FANCA: variants seen among roughly 807,000 people sequenced by gnomAD.
FANCA encodes the protein FA complementation group A.
FANCA carries 236 observed loss-of-function variants against 194.3 expected under a neutral mutation model. The observed-to-expected ratio is 1.21, with a 90% CI of 1.09 to 1.35. The LOEUF is 1.35. Among genes scored for constraint, FANCA ranks in the 40% most tolerant of loss-of-function variants. The pLI is 0.00. For missense variants in FANCA, 2,628 were observed against 1,813.9 expected (o/e 1.45, Z -8.15); for synonymous variants, 1,014 against 715.8 (o/e 1.42, Z -6.65).
intron 1 of FANCA, 157 bp from the exon 2 acceptor site, chr16:89,816,143 C>G (rs1023331808): frequency 3.4e-5 from 23 of 684,108 alleles, no homozygotes; most frequent in Admixed American, 1.8e-4. Context: ...GGGAAACTAA[C>G]GGAGACGGCC....
At chr16:89,786,342 C>G (rs1447763380) in intron 14 of FANCA, among the ~76,000 whole-genome samples, 1 of 152,188 alleles carries the variant, frequency 6.6e-6, no homozygotes, top group Non-Finnish European at 1.5e-5. Flanking sequence ...CACCACCATG[C>G]CTGGCTAATT....
In FANCA at chr16:89,746,841, TG is replaced by T. The variant is rs758917273; in HGVS notation, c.3397del (p.His1133ThrfsTer7). On this transcript the variant is annotated frameshift_variant, in exon 34 of 43. Coordinates refer to ENST00000389301, the MANE Select transcript of FANCA (RefSeq NM_000135.4). LOFTEE classifies it high-confidence loss of function. ...GGALTQDITAHFFRGLLNACL... is the reference protein window; with the variant it reads ...GGALTQDITAXFFRGLLNACL... ...GAGGGAGCATCTCACCCTGAAGAAG[TG>T]GGCAGTGATGTCCTGTGTCAGGGCA... is the stretch of plus-strand genomic sequence containing the variant. 6.4e-7 allele frequency: 1 copy of T among 1,563,946 alleles called. No individual in the cohort carries two copies.
chr16:89,758,000 C>A (rs554054137), intron 30 of FANCA, among the ~76,000 whole-genome samples: 5 of 152,088 alleles, frequency 3.3e-5, no homozygotes, highest in Non-Finnish European at 7.4e-5. Context: ...GGATTACAGG[C>A]ACCCGCCACC....
intron 5 of FANCA, among the ~76,000 whole-genome samples, chr16:89,808,823 T>A (rs2040763705): frequency 6.6e-6 from 1 of 152,154 alleles, no homozygotes; most frequent in East Asian, 1.9e-4. Context: ...CAGGATCTGC[T>A]TTAGCCACTC....
intron 8 of FANCA, 48 bp from the exon 9 acceptor site, chr16:89,799,686 T>C (rs946869733): frequency 1.4e-6 from 2 of 1,453,226 alleles, no homozygotes. Flanking sequence ...TTCTGTAATT[T>C]GTGTGATACC....
chr16:89,764,762 A>T (rs945769599), intron 28 of FANCA, 128 bp downstream of exon 28: 6 of 1,133,450 alleles, frequency 5.3e-6, no homozygotes, highest in African/African-American at 4.6e-5. Flanking sequence ...CACACACCCT[A>T]GACTCGGGAC....
chr16:89,757,200 G>C (rs1003947938), intron 30 of FANCA, among the ~76,000 whole-genome samples: 1 of 152,008 alleles, frequency 6.6e-6, no homozygotes, highest in Non-Finnish European at 1.5e-5. Flanking sequence ...GAGCTCAGAT[G>C]ATCCGCCTGC....
At chr16:89,761,564 G>C (rs186950254) in intron 29 of FANCA, among the ~76,000 whole-genome samples, 1 of 151,684 alleles carries the variant, frequency 6.6e-6, no homozygotes, top group Non-Finnish European at 1.5e-5. Context: ...ATTAAATTGA[G>C]GATAAAATGA....
At chr16:89,807,457 A>AG (rs1475545660) in intron 6 of FANCA, among the ~76,000 whole-genome samples, 1 of 151,902 alleles carries the variant, frequency 6.6e-6, no homozygotes, top group Non-Finnish European at 1.5e-5. Context: ...TGTCTCAAAA[A>AG]GAAAAAAAAA....
At chr16:89,811,184 C>T (rs2040865235) in intron 3 of FANCA, 113 bp from the exon 4 acceptor site, 3 of 1,378,284 alleles carry the variant, frequency 2.2e-6, no homozygotes, top group Admixed American at 3.9e-5. Context: ...AAAAAATTGC[C>T]TTTTAAACGG....
chr16:89,815,383 CTG>C (rs1403637702), intron 2 of FANCA, among the ~76,000 whole-genome samples: 5 of 117,194 alleles, frequency 4.3e-5, no homozygotes, highest in Non-Finnish European at 5.0e-5. Context: ...CAGTCTCACT[CTG>C]TAATCCAGAC....
intron 20 of FANCA, 121 bp from the exon 21 acceptor site, chr16:89,775,936 G>A (rs1343807167): frequency 1.2e-5 from 7 of 569,660 alleles, no homozygotes; most frequent in Non-Finnish European, 2.1e-5. Flanking sequence ...TAAATACTGT[G>A]TACAGTATGA....
intron 11 of FANCA, among the ~76,000 whole-genome samples, chr16:89,794,694 C>A (rs920124981): frequency 1.3e-5 from 2 of 152,306 alleles, no homozygotes; most frequent in African/African-American, 4.8e-5. Flanking sequence ...CATCTCCCAC[C>A]AGTTTCCTGC....
At position 89,816,489 on chromosome 16, in the gene FANCA, T is replaced by C. The variant is rs1021012446; in HGVS notation, c.79+48A>G. ...AGGGATCGGGGAACCGGCGAAACCGTCCCGGGCCGGACGCCGCCCACTCCC... is the reference window on the plus strand; with the variant it reads ...AGGGATCGGGGAACCGGCGAAACCGCCCCGGGCCGGACGCCGCCCACTCCC... On this transcript the variant is annotated intron_variant, in intron 1 of 42. Coordinates refer to ENST00000389301, the MANE Select transcript of FANCA (RefSeq NM_000135.4). 12 of 1,444,028 alleles carry C rather than the reference T, an allele frequency of 8.3e-6. No homozygotes were observed. The African/African-American group carries it at 1.0e-4, about 13-fold the overall frequency. The allele number at this position is 1,444,028 out of a possible 1,614,324, so 89.5% of individuals were successfully genotyped here.
chr16:89,738,823 C>CA, intron 42 of FANCA, 59 bp downstream of exon 42: 1 of 1,614,076 alleles, frequency 6.2e-7, no homozygotes, highest in Non-Finnish European at 8.5e-7. Context: ...GCACATGGCC[C>CA]AGGCAGCTGT....
chr16:89,755,419 G>A (rs2038736003), intron 30 of FANCA, among the ~76,000 whole-genome samples: 1 of 151,824 alleles, frequency 6.6e-6, no homozygotes, highest in African/African-American at 2.4e-5. Flanking sequence ...TGGCCAGGCT[G>A]GTCTCGAACT....
Position 89,791,914 on chromosome 16 carries a change from C to G in FANCA, c.1225+13G>C, listed in dbSNP as rs201201281. On this transcript the variant is annotated intron_variant, in intron 13 of 42. Coordinates refer to ENST00000389301, the MANE Select transcript of FANCA (RefSeq NM_000135.4). ...CTCTTGACCAGCACCACCGGGCTCG[C>G]GTAAAAGCTCACCTTCAAGCAGCTG... 4 of 1,614,088 alleles carry G rather than the reference C, an allele frequency of 2.5e-6. No individual in the cohort carries two copies. The East Asian group carries it at 8.9e-5, about 36-fold the overall frequency.
chr16:89,764,729 G>C, intron 28 of FANCA, 161 bp downstream of exon 28: 3 of 860,202 alleles, frequency 3.5e-6, no homozygotes, highest in South Asian at 1.3e-5. Context: ...CCCTAGACTC[G>C]AGACGAGGAG....
intron 22 of FANCA, 126 bp from the exon 23 acceptor site, chr16:89,771,940 A>T: frequency 6.2e-6 from 7 of 1,127,218 alleles, no homozygotes; most frequent in Non-Finnish European, 9.1e-6. Context: ...CACATCCCCC[A>T]GCCAGGTGCT....
Sources: allele counts gnomAD v4.1 joint callset (sites outside exome capture counted in the v4.1 genomes callset), GRCh38; gene constraint gnomAD v4.1.1; transcripts MANE v1.5; gene names NCBI Gene and HGNC (gene_info 2026-07-23, HGNC 2026-07-21).